Variants in SLC16A7 observed in about 807,000 individuals in gnomAD.
The protein encoded by SLC16A7 is monocarboxylate transporter 2.
In SLC16A7, 33 loss-of-function variants were observed where a neutral mutation model predicts 34.9. That is an observed-to-expected ratio of 0.94 (90% CI 0.72 to 1.26). The LOEUF is 1.26. Among genes scored for constraint, SLC16A7 ranks in the 50% most tolerant of loss-of-function variants. SLC16A7 has a pLI of 0.00. For synonymous variants in SLC16A7, 201 were observed against 206.6 expected (o/e 0.97, Z 0.23); for missense variants, 573 against 578.1 (o/e 0.99, Z 0.09).
Position 59,688,705 on chromosome 12 carries a change from A to G in SLC16A7, c.-30-16067A>G, listed in dbSNP as rs118045116. 9.6e-3 allele frequency among the ~76,000 whole-genome samples: 1,458 copies of G among 152,172 alleles called. 23 individuals carry two copies. Among genetic ancestry groups the G allele is most frequent in the Non-Finnish European group, 0.015 (1,006 of 67,964 alleles). ...AGGAGTCTCATAATTTCATTTAGGT[A>G]TGACTAAAGACAAATCAATATAAAA... On this transcript the variant is annotated intron_variant, in intron 2 of 5. Transcript: ENST00000547379.
At chr12:59,622,515 A>G (rs1879739109) in intron 1 of SLC16A7, among the ~76,000 whole-genome samples, 1 of 151,846 alleles carries the variant, frequency 6.6e-6, no homozygotes, top group South Asian at 2.1e-4. Context: ...TTTCAGATTA[A>G]AGCCTTCGTT....
chr12:59,644,560 CAAAAACA>C (rs1592428273), intron 1 of SLC16A7, among the ~76,000 whole-genome samples: 1 of 151,938 alleles, frequency 6.6e-6, no homozygotes, highest in African/African-American at 2.4e-5. Flanking sequence ...GACTCTTTCT[CAAAAACA>C]AAAAACAAAA....
intron 3 of SLC16A7, among the ~76,000 whole-genome samples, chr12:59,742,610 T>A (rs1319712367): frequency 6.6e-6 from 1 of 152,094 alleles, no homozygotes; most frequent in Admixed American, 6.6e-5. Flanking sequence ...CTGTTGAAAA[T>A]GTATAGAGAG....
At chr12:59,661,986 A>T (rs1868876258) in intron 2 of SLC16A7, among the ~76,000 whole-genome samples, 1 of 151,592 alleles carries the variant, frequency 6.6e-6, no homozygotes, top group African/African-American at 2.4e-5. Context: ...GAATGTTAGG[A>T]TTATGGTACT....
intron 3 of SLC16A7, chr12:59,720,052 C>T: frequency 1.4e-6 from 1 of 698,606 alleles, no homozygotes; most frequent in Non-Finnish European, 2.6e-6. Flanking sequence ...TGCCTCATGA[C>T]TATACCTTTC....
At chr12:59,699,728 T>C (rs963521475) in intron 2 of SLC16A7, among the ~76,000 whole-genome samples, 3 of 151,788 alleles carry the variant, frequency 2.0e-5, no homozygotes, top group African/African-American at 7.2e-5. Context: ...TGGTTCCATA[T>C]TTGTAAATTT....
At chr12:59,752,675 C>G (rs1879728357) in intron 3 of SLC16A7, among the ~76,000 whole-genome samples, 1 of 152,172 alleles carries the variant, frequency 6.6e-6, no homozygotes, top group African/African-American at 2.4e-5. Flanking sequence ...AGTTGGAAAA[C>G]ACTCTGCAGG....
At chr12:59,721,533 CA>C (rs888637194) in intron 3 of SLC16A7, among the ~76,000 whole-genome samples, 2 of 151,876 alleles carry the variant, frequency 1.3e-5, no homozygotes, top group African/African-American at 4.8e-5. Flanking sequence ...GGGAAAAAAA[CA>C]AAACAAATGG....
intron 1 of SLC16A7, among the ~76,000 whole-genome samples, chr12:59,637,571 G>A (rs2137001972): frequency 6.6e-6 from 1 of 151,946 alleles, no homozygotes; most frequent in East Asian, 1.9e-4. Context: ...CACTCCTATA[G>A]CAAAAGACAG....
rs1031175071 is a variant in SLC16A7 at position 59,596,890 on chromosome 12, C to T, written c.-130+654C>T. Among the ~76,000 whole-genome samples the T allele has an allele frequency of 7.9e-5, 12 of 152,136 alleles. No individual in the cohort carries two copies. The highest frequency in any genetic ancestry group is 1.8e-4 in the Non-Finnish European group (12 of 68,032). On this transcript the variant is annotated intron_variant, in intron 1 of 5. Coordinates refer to ENST00000547379, the MANE Select transcript of SLC16A7 (RefSeq NM_001270623.2). This position sits in a 1 kb window ranked among gnomAD's most constrained non-coding sequence, Gnocchi z 5.0. ...GTGGAAGCAGATGGAAAACTATATG[C>T]GGGCGAGGCCTGAGCCCAGGCAGAA...
chr12:59,665,814 G>A (rs1869150459), intron 2 of SLC16A7, among the ~76,000 whole-genome samples: 1 of 143,010 alleles, frequency 7.0e-6, no homozygotes. Context: ...TAACACGTGT[G>A]TGTGTGTGTG....
At chr12:59,728,228 A>G (rs1876516022) in intron 3 of SLC16A7, among the ~76,000 whole-genome samples, 1 of 152,188 alleles carries the variant, frequency 6.6e-6, no homozygotes, top group African/African-American at 2.4e-5. Context: ...GATTTGGGAC[A>G]TAATGGGTCT....
chr12:59,748,047 A>G (rs990857597), intron 3 of SLC16A7, among the ~76,000 whole-genome samples: 2 of 152,060 alleles, frequency 1.3e-5, no homozygotes, highest in Admixed American at 1.3e-4. Flanking sequence ...TACTAAAAAT[A>G]CAAAAATTAG....
intron 3 of SLC16A7, among the ~76,000 whole-genome samples, chr12:59,732,649 C>A (rs1592597244): frequency 6.6e-6 from 1 of 152,150 alleles, no homozygotes; most frequent in South Asian, 2.1e-4. Context: ...ACTTAAATTT[C>A]TCAAATACCC....
At position 59,788,035 on chromosome 12, in the gene SLC16A7, T is replaced by C. The variant is rs559743482; in HGVS notation, c.*8356T>C. 3 of 152,330 alleles carry C rather than the reference T, an allele frequency of 2.0e-5. No individual in the cohort carries two copies. In the East Asian group the frequency reaches 5.8e-4, roughly 29 times the overall value. 9.4% of individuals were successfully genotyped at this position (152,330 alleles called of 1,614,324 possible). A position where few individuals can be genotyped will look rare whatever the true frequency, so the allele number is the denominator to read the frequency against. ...TATGTAAAAGTTCTTCTCCCAGATA[T>C]TTTAAACCAGTATGTTAATTATTTC... is the stretch of plus-strand genomic sequence containing the variant. On this transcript the variant is annotated 3_prime_UTR_variant, in exon 6 of 6. Transcript: ENST00000547379.
At chr12:59,769,162 TTTAA>T (rs1007210295) in intron 3 of SLC16A7, 1 of 152,178 alleles carries the variant, frequency 6.6e-6, no homozygotes, top group African/African-American at 2.4e-5. Context: ...ATAAAATATT[TTTAA>T]TTGTTATGCA....
intron 1 of SLC16A7, among the ~76,000 whole-genome samples, chr12:59,650,184 C>A (rs552263410): frequency 6.6e-6 from 1 of 151,472 alleles, no homozygotes; most frequent in Non-Finnish European, 1.5e-5. Context: ...ATAACTGTAA[C>A]GAAAATTTAA....
At chr12:59,762,642 G>A (rs565943948) in intron 3 of SLC16A7, among the ~76,000 whole-genome samples, 1 of 151,960 alleles carries the variant, frequency 6.6e-6, no homozygotes, top group South Asian at 2.1e-4. Flanking sequence ...AACAACAATG[G>A]AATCTCAATA....
intron 1 of SLC16A7, among the ~76,000 whole-genome samples, chr12:59,636,361 A>T (rs1411586499): frequency 1.3e-5 from 2 of 152,180 alleles, no homozygotes; most frequent in Non-Finnish European, 2.9e-5. Flanking sequence ...TGTATGGAAC[A>T]AAAGTATTTT....
Sources: allele counts gnomAD v4.1 joint callset (sites outside exome capture counted in the v4.1 genomes callset), GRCh38; gene constraint gnomAD v4.1.1; non-coding constraint Gnocchi (gnomAD v3.1); transcripts MANE v1.5; gene names NCBI Gene and HGNC (gene_info 2026-07-23, HGNC 2026-07-21).